DGCR2: variants seen among roughly 807,000 people sequenced by gnomAD.
DGCR2 encodes the protein integral membrane protein DGCR2/IDD.
A neutral mutation model predicts 51.6 loss-of-function variants in DGCR2; 24 were observed. The ratio of observed to expected loss-of-function variants is 0.47; its 90% CI spans 0.34 to 0.65. The LOEUF is 0.65. DGCR2 is among the 30% of genes least tolerant of loss of function. The pLI is 0.01. For missense variants in DGCR2, 765 were observed against 772.1 expected (o/e 0.99, Z 0.11); for synonymous variants, 340 against 315.4 (o/e 1.08, Z -0.82).
chr22:19,070,327 G>A (rs1156450344), intron 2 of DGCR2, among the ~76,000 whole-genome samples: 1 of 152,208 alleles, frequency 6.6e-6, no homozygotes, highest in African/African-American at 2.4e-5. Context: ...CTTTGGCAAA[G>A]GGCAAAGGCA....
Position 19,036,342 on chromosome 22 carries a change from G to C in DGCR2, c.*2523C>G. 1 of 152,542 alleles carries C rather than the reference G, an allele frequency of 6.6e-6. No homozygotes were observed. Among genetic ancestry groups the C allele is most frequent in the East Asian group, 1.9e-4 (1 of 5,204 alleles). 9.4% of individuals were successfully genotyped at this position (152,542 alleles called of 1,614,324 possible). A position where few individuals can be genotyped will look rare whatever the true frequency, so the allele number is the denominator to read the frequency against. ...TGAAATGATTCTCACAGCATCTTAA[G>C]AAAAGTTAGTGTCAACCCAACCAAA... On this transcript the variant is annotated 3_prime_UTR_variant, in exon 10 of 10. Transcript: ENST00000263196.
intron 1 of DGCR2, among the ~76,000 whole-genome samples, chr22:19,098,171 C>T (rs191686991): frequency 2.0e-4 from 30 of 152,354 alleles, no homozygotes; most frequent in Admixed American, 6.5e-4. Flanking sequence ...GGGCTCCCCA[C>T]TGCTGGGCCT....
At chr22:19,092,254 G>C (rs1477725327) in intron 1 of DGCR2, among the ~76,000 whole-genome samples, 1 of 151,938 alleles carries the variant, frequency 6.6e-6, no homozygotes, top group African/African-American at 2.4e-5. Context: ...TAAGGCAGGA[G>C]AATCGCTTGA....
Position 19,122,238 on chromosome 22 carries a change from G to GCGTGACCCCGCT in DGCR2, c.-33_-32insAGCGGGGTCACG, listed in dbSNP as rs779312861. On this transcript the variant is annotated 5_prime_UTR_variant, in exon 1 of 10. Transcript: ENST00000263196. ...TCCGTTCATCGTCCCCGGGGCGGCT[G>GCGTGACCCCGCT]GAAGGCCGGACCAGGCCGGACTGAG... 2.6e-5 allele frequency: 38 copies of GCGTGACCCCGCT among 1,478,970 alleles called. No individual in the cohort carries two copies. Among genetic ancestry groups the GCGTGACCCCGCT allele is most frequent in the Non-Finnish European group, 3.1e-5 (34 of 1,109,012 alleles). The allele number at this position is 1,478,970 out of a possible 1,614,324, so 91.6% of individuals were successfully genotyped here. A position where few individuals can be genotyped will look rare whatever the true frequency, so the allele number is the denominator to read the frequency against.
chr22:19,104,015 C>A, intron 1 of DGCR2, among the ~76,000 whole-genome samples: 1 of 151,944 alleles, frequency 6.6e-6, no homozygotes, highest in Non-Finnish European at 1.5e-5. Flanking sequence ...CAGTGAGGCA[C>A]TGTTCTTTCA....
intron 5 of DGCR2, among the ~76,000 whole-genome samples, chr22:19,058,572 T>TTTC (rs1306106964): frequency 2.0e-5 from 3 of 152,170 alleles, no homozygotes; most frequent in Non-Finnish European, 4.4e-5. Flanking sequence ...TAAACACTGT[T>TTTC]TTCTTCACTA....
chr22:19,104,278 G>A (rs1165864719), intron 1 of DGCR2, among the ~76,000 whole-genome samples: 1 of 152,166 alleles, frequency 6.6e-6, no homozygotes, highest in Non-Finnish European at 1.5e-5. Flanking sequence ...GCAACGCCCA[G>A]GAATTAGTGG....
intron 7 of DGCR2, among the ~76,000 whole-genome samples, chr22:19,044,216 G>C (rs2082463519): frequency 6.6e-6 from 1 of 152,300 alleles, no homozygotes; most frequent in East Asian, 1.9e-4. Context: ...ACAAAGAAGA[G>C]AGCCTGCCCC....
At chr22:19,120,203 G>T (rs940748036) in intron 1 of DGCR2, among the ~76,000 whole-genome samples, 4 of 152,176 alleles carry the variant, frequency 2.6e-5, no homozygotes, top group Non-Finnish European at 4.4e-5. Flanking sequence ...AGGGGTAGCT[G>T]CAATGTTCTC....
Position 19,039,684 on chromosome 22 carries a change from G to A in DGCR2, c.1397-563C>T, listed in dbSNP as rs150073443. Among the ~76,000 whole-genome samples, 215 of 152,290 alleles carry A rather than the reference G, an allele frequency of 1.4e-3. 1 individual carries two copies. The highest frequency in any genetic ancestry group is 2.4e-3 in the Non-Finnish European group (162 of 68,024). On this transcript the variant is annotated intron_variant, in intron 9 of 9. Coordinates refer to ENST00000263196, the MANE Select transcript of DGCR2 (RefSeq NM_005137.3). ...AAGGCAGGCTGTGTGGTAGGCAGTC[G>A]ACTCGCTTTGTTTTGCCCGATCTTT... is the stretch of plus-strand genomic sequence containing the variant.
intron 3 of DGCR2, among the ~76,000 whole-genome samples, chr22:19,066,344 T>A (rs2082748327): frequency 6.6e-6 from 1 of 151,946 alleles, no homozygotes; most frequent in South Asian, 2.1e-4. Flanking sequence ...AGAGACTGCC[T>A]GCAGTGAGCC....
intron 1 of DGCR2, among the ~76,000 whole-genome samples, chr22:19,113,669 C>A (rs1289673736): frequency 1.3e-5 from 2 of 152,190 alleles, no homozygotes; most frequent in African/African-American, 4.8e-5. Context: ...GACACGCTCC[C>A]ATCCTGAAAA....
At chr22:19,063,158 A>G (rs1569053742) in intron 5 of DGCR2, 44 bp downstream of exon 5, 6 of 1,576,370 alleles carry the variant, frequency 3.8e-6, no homozygotes, top group East Asian at 2.2e-5. Context: ...AATCAGGGTG[A>G]CTCTGCCCAG....
At chr22:19,056,855 G>T in intron 6 of DGCR2, 131 bp downstream of exon 6, 2 of 1,023,168 alleles carry the variant, frequency 2.0e-6, no homozygotes, top group Non-Finnish European at 1.4e-6. Flanking sequence ...AGAACAAGGT[G>T]TGAGCTGGTA....
intron 2 of DGCR2, among the ~76,000 whole-genome samples, chr22:19,073,648 T>C (rs754171180): frequency 3.9e-5 from 6 of 152,162 alleles, no homozygotes; most frequent in Non-Finnish European, 5.9e-5. Context: ...GGAGTAAAAA[T>C]GGAGTAAGCT....
chr22:19,051,218 C>T (rs1374026512), intron 6 of DGCR2, among the ~76,000 whole-genome samples: 2 of 141,582 alleles, frequency 1.4e-5, no homozygotes, highest in East Asian at 2.1e-4. Flanking sequence ...AAAAAATCCA[C>T]GAAAGGAGAG....
intron 9 of DGCR2, among the ~76,000 whole-genome samples, chr22:19,040,066 G>A (rs867383450): frequency 9.2e-5 from 14 of 152,242 alleles, no homozygotes; most frequent in African/African-American, 2.6e-4. Flanking sequence ...ACAAGGCCCC[G>A]GTGATGCACC....
rs2083053502 is a variant in DGCR2, at chr22:19,089,398, C to A, written c.172G>T (p.Glu58Ter). ...CAGTTGGCTTCGTCGCTCTCATCCT[C>A]GCAAGTCGCCCAGCCGTCACACTGC... ...PWQCDGWATCEDESDEANCPE... is the reference protein window; with the variant it reads ...PWQCDGWATC The change falls in exon 2 of 10, where the codon GAG becomes TAG. Residue 58 changes from glutamate (E) to a stop codon, truncating the protein, a stop_gained. Transcript: ENST00000263196. LOFTEE classifies it high-confidence loss of function. The A allele has an allele frequency of 6.2e-7, 1 of 1,610,708 alleles. No homozygotes were observed. The highest frequency in any genetic ancestry group is 8.5e-7 in the Non-Finnish European group (1 of 1,178,442).
chr22:19,072,487 C>G (rs1230174407), intron 2 of DGCR2, among the ~76,000 whole-genome samples: 1 of 152,156 alleles, frequency 6.6e-6, no homozygotes, highest in East Asian at 1.9e-4. Context: ...GAAACAAGTA[C>G]AGAGACAAAA....
Sources: allele counts gnomAD v4.1 joint callset (sites outside exome capture counted in the v4.1 genomes callset), GRCh38; gene constraint gnomAD v4.1.1; transcripts MANE v1.5; gene names NCBI Gene and HGNC (gene_info 2026-07-23, HGNC 2026-07-21).